Variants in CHODL observed in about 807,000 individuals in gnomAD.
CHODL encodes chondrolectin.
A neutral mutation model predicts 34.5 loss-of-function variants in CHODL; 29 were observed. That is an observed-to-expected ratio of 0.84 (90% CI 0.63 to 1.15). The LOEUF (loss-of-function observed/expected upper bound fraction) is 1.15, where lower values mean the gene tolerates loss of function less well. Ranked by LOEUF, CHODL falls within the 50% of genes most tolerant of loss-of-function variation. CHODL has a pLI of 0.00. For synonymous variants in CHODL, 125 were observed against 116.1 expected (o/e 1.08, Z -0.49); for missense variants, 332 against 332.5 (o/e 1.00, Z 0.01).
In CHODL at chr21:17,998,471, T is replaced by C. The variant is rs146927991; in HGVS notation, c.-144-29401T>C. Among the ~76,000 whole-genome samples the C allele has an allele frequency of 4.1e-4, 62 of 152,352 alleles. 1 individual carries two copies. The highest frequency in any genetic ancestry group is 1.5e-3 in the African/African-American group (61 of 41,580). ...GTGGTGCCCCAGTAGGGAACCTGTG[T>C]GGGAGCTCTGACCCCACATTTCTCT... On this transcript the variant is annotated intron_variant, in intron 1 of 6. Transcript: ENST00000400127.
intron 1 of CHODL, among the ~76,000 whole-genome samples, chr21:17,938,772 C>T (rs568368388): frequency 1.6e-3 from 240 of 152,016 alleles, no homozygotes; most frequent in Admixed American, 2.8e-3. Context: ...GCCACGGCGC[C>T]CGGCCGAAAC....
chr21:18,208,547 G>A (rs62213377), intron 2 of CHODL, among the ~76,000 whole-genome samples: 3,007 of 152,124 alleles, frequency 0.02, 47 homozygotes, highest in Non-Finnish European at 0.028. Context: ...GCTTGTGAAT[G>A]TTTGTCGGTG....
intron 1 of CHODL, among the ~76,000 whole-genome samples, chr21:18,013,360 T>G (rs1030683812): frequency 4.6e-5 from 7 of 151,914 alleles, no homozygotes; most frequent in Non-Finnish European, 8.8e-5. Flanking sequence ...AAAGGAGGTC[T>G]AATGCTCATC....
chr21:17,926,631 C>T (rs2063225413), intron 1 of CHODL, among the ~76,000 whole-genome samples: 1 of 152,112 alleles, frequency 6.6e-6, no homozygotes, highest in South Asian at 2.1e-4. Flanking sequence ...TCTTGTGATA[C>T]TCACTCACTG....
chr21:18,260,428 A>C (rs373552859), intron 4 of CHODL, 142 bp downstream of exon 4: 40 of 528,612 alleles, frequency 7.6e-5, no homozygotes, highest in East Asian at 7.5e-4. Flanking sequence ...CTTTTGAACT[A>C]GGTTAGAAAA....
chr21:18,191,857 A>G (rs983061896), intron 2 of CHODL, among the ~76,000 whole-genome samples: 4 of 152,198 alleles, frequency 2.6e-5, no homozygotes, highest in African/African-American at 9.6e-5. Flanking sequence ...CATTTGTGCT[A>G]CGTTAGTAAG....
chr21:18,111,359 T>C (rs2065347997), intron 2 of CHODL, among the ~76,000 whole-genome samples: 1 of 152,168 alleles, frequency 6.6e-6, no homozygotes. Context: ...AGAAGTTACA[T>C]ATATTATTCA....
At chr21:17,941,720 C>A (rs528583540) in intron 1 of CHODL, among the ~76,000 whole-genome samples, 1 of 152,106 alleles carries the variant, frequency 6.6e-6, no homozygotes. Flanking sequence ...TGTCTTAGTT[C>A]GCTCAGGCTA....
At chr21:17,918,242 C>CAAGTAACCTAACCAAAG (rs1456138347) in intron 1 of CHODL, among the ~76,000 whole-genome samples, 9 of 151,978 alleles carry the variant, frequency 5.9e-5, no homozygotes, top group African/African-American at 2.2e-4. Flanking sequence ...GCTCTCTGAC[C>CAAGTAACCTAACCAAAG]TTGGGTGAAT....
chr21:17,946,583 T>A (rs191756688), intron 1 of CHODL, among the ~76,000 whole-genome samples: 101 of 152,364 alleles, frequency 6.6e-4, no homozygotes, highest in African/African-American at 2.3e-3. Flanking sequence ...TATATGTAGG[T>A]TCTTTGATAT....
intron 2 of CHODL, among the ~76,000 whole-genome samples, chr21:18,235,926 A>G (rs143182374): frequency 8.5e-5 from 13 of 152,304 alleles, no homozygotes; most frequent in Non-Finnish European, 1.8e-4. Flanking sequence ...TAGATTTAGA[A>G]TGTCCAGTGT....
intron 1 of CHODL, among the ~76,000 whole-genome samples, chr21:18,014,279 A>T (rs749567186): frequency 6.6e-6 from 1 of 152,208 alleles, no homozygotes; most frequent in Non-Finnish European, 1.5e-5. Flanking sequence ...CATATATACC[A>T]TGGAATACTA....
At chr21:18,074,186 G>T (rs773292854) in intron 2 of CHODL, among the ~76,000 whole-genome samples, 1 of 152,102 alleles carries the variant, frequency 6.6e-6, no homozygotes, top group Admixed American at 6.6e-5. Context: ...TGATGGAAAA[G>T]ATCTCATTTT....
intron 2 of CHODL, among the ~76,000 whole-genome samples, chr21:18,135,429 CTTCGATGGAAGCAAT>C (rs2072709974): frequency 1.3e-5 from 2 of 152,054 alleles, no homozygotes; most frequent in African/African-American, 4.8e-5. Context: ...AACACAGTTG[CTTCGATGGAAGCAAT>C]TGAGTAGCCT....
At chr21:18,022,130 G>T (rs2064133688) in intron 1 of CHODL, among the ~76,000 whole-genome samples, 1 of 152,126 alleles carries the variant, frequency 6.6e-6, no homozygotes. Flanking sequence ...AAACTTGAGG[G>T]TGTTAAACAG....
At chr21:17,999,282 G>T (rs142808097) in intron 1 of CHODL, among the ~76,000 whole-genome samples, 1 of 152,080 alleles carries the variant, frequency 6.6e-6, no homozygotes, top group Non-Finnish European at 1.5e-5. Context: ...ATCACTTTCC[G>T]CATTTTTGTC....
intron 1 of CHODL, among the ~76,000 whole-genome samples, chr21:17,973,404 CT>C (rs1304405863): frequency 2.2e-5 from 3 of 139,132 alleles, no homozygotes; most frequent in South Asian, 2.2e-4. Context: ...ATTTTCTTTT[CT>C]TTTCTTTCTT....
intron 2 of CHODL, among the ~76,000 whole-genome samples, chr21:18,174,122 T>TATATATATATATATATCTTG (rs1568923067): frequency 0.072 from 862 of 11,954 alleles, 158 homozygotes; most frequent in Non-Finnish European, 0.13. Context: ...TATATCTTGG[T>TATATATATATATATATCTTG]GTATATATAT....
intron 2 of CHODL, among the ~76,000 whole-genome samples, chr21:18,232,497 C>T (rs771163486): frequency 2.6e-5 from 4 of 152,048 alleles, no homozygotes; most frequent in East Asian, 3.9e-4. Context: ...GCCTCTTTAA[C>T]GAGGGCACTA....
Sources: allele counts gnomAD v4.1 joint callset (sites outside exome capture counted in the v4.1 genomes callset), GRCh38; gene constraint gnomAD v4.1.1; transcripts MANE v1.5; gene names NCBI Gene and HGNC (gene_info 2026-07-23, HGNC 2026-07-21).